GUCY1A2: variants seen among roughly 807,000 people sequenced by gnomAD.
The protein encoded by GUCY1A2 is guanylate cyclase soluble subunit alpha-2.
In GUCY1A2, 27 loss-of-function variants were observed where a neutral mutation model predicts 63.5. The observed-to-expected ratio is 0.43, with a 90% CI of 0.31 to 0.59. GUCY1A2 has a LOEUF of 0.59. GUCY1A2 is among the 20% of genes least tolerant of loss of function. The probability of loss-of-function intolerance (pLI) is 0.11; values close to 1 mark genes in which losing one functional copy is unlikely to be tolerated. For missense variants in GUCY1A2, 768 were observed against 913.3 expected, an observed-to-expected ratio of 0.84 and a Z score of 2.05; for synonymous variants, 364 against 343.5, an observed-to-expected ratio of 1.06 and a Z score of -0.66.
chr11:106,718,420 T>C (rs1863255129), intron 6 of GUCY1A2, among the ~76,000 whole-genome samples: 1 of 152,140 alleles, frequency 6.6e-6, no homozygotes, highest in Non-Finnish European at 1.5e-5. Context: ...ATATAGCTGA[T>C]GGCACTGAAT....
rs747632480 is a variant in GUCY1A2 at position 106,704,973 on chromosome 11, A to AAACTT, written c.1991+3534_1991+3538dup. On this transcript the variant is annotated intron_variant, in intron 7 of 7. Transcript: ENST00000526355. The stretch of plus-strand genomic sequence containing the variant: ...CTATTTAAAATCCATATCCCATAAA[A>AAACTT]AACTTATCCCATCATTGGGATGATG... Among the ~76,000 whole-genome samples, 66 of 151,746 alleles carry AAACTT rather than the reference A, an allele frequency of 4.3e-4. No individual in the cohort carries two copies. The Middle Eastern group carries it at 0.017, about 40-fold the overall frequency.
intron 1 of GUCY1A2, among the ~76,000 whole-genome samples, chr11:107,004,755 G>C (rs1316527197): frequency 2.0e-5 from 3 of 152,332 alleles, no homozygotes; most frequent in South Asian, 2.1e-4. Flanking sequence ...TGTCTGATGA[G>C]GTGACACTGA....
chr11:106,870,370 G>A (rs1053623158), intron 4 of GUCY1A2, among the ~76,000 whole-genome samples: 5 of 151,950 alleles, frequency 3.3e-5, no homozygotes, highest in Admixed American at 6.6e-5. Context: ...TTTTGTGGGA[G>A]TTCTTTGGTA....
chr11:106,827,875 G>C, intron 4 of GUCY1A2: 1 of 1,589,824 alleles, frequency 6.3e-7, no homozygotes, highest in Non-Finnish European at 8.6e-7. Context: ...GTCATGGGAG[G>C]GCGCGCTGCC....
At chr11:106,831,909 A>G (rs1859055924) in intron 4 of GUCY1A2, among the ~76,000 whole-genome samples, 1 of 152,114 alleles carries the variant, frequency 6.6e-6, no homozygotes, top group South Asian at 2.1e-4. Flanking sequence ...CTAGACTCGC[A>G]CCTCCTCCAT....
intron 7 of GUCY1A2, among the ~76,000 whole-genome samples, chr11:106,700,122 C>T (rs1024603768): frequency 6.6e-6 from 1 of 152,200 alleles, no homozygotes; most frequent in South Asian, 2.1e-4. Flanking sequence ...TTGCAAAGTA[C>T]ATAATTATAT....
intron 7 of GUCY1A2, 83 bp downstream of exon 7, chr11:106,708,429 A>T: frequency 9.1e-7 from 1 of 1,101,990 alleles, no homozygotes; most frequent in Non-Finnish European, 1.3e-6. Context: ...AGGATCAAGA[A>T]AAAGAACAGG....
At chr11:106,842,471 C>T (rs924895857) in intron 4 of GUCY1A2, among the ~76,000 whole-genome samples, 2 of 152,004 alleles carry the variant, frequency 1.3e-5, no homozygotes, top group Admixed American at 6.6e-5. Flanking sequence ...AAATAAAACC[C>T]TGCATTCTAT....
At chr11:106,803,666 A>T (rs1266203505) in intron 5 of GUCY1A2, among the ~76,000 whole-genome samples, 1 of 152,224 alleles carries the variant, frequency 6.6e-6, no homozygotes, top group Non-Finnish European at 1.5e-5. Context: ...AATCTCATTT[A>T]AAAGCTCACA....
chr11:106,837,594 T>C (rs1165555818), intron 4 of GUCY1A2, among the ~76,000 whole-genome samples: 2 of 151,720 alleles, frequency 1.3e-5, no homozygotes, highest in Non-Finnish European at 3.0e-5. Flanking sequence ...AACTAACTTT[T>C]AAATTATTTC....
At chr11:106,957,830 A>G (rs1861007159) in intron 3 of GUCY1A2, among the ~76,000 whole-genome samples, 1 of 136,432 alleles carries the variant, frequency 7.3e-6, no homozygotes. Flanking sequence ...GCTATGCTGC[A>G]GTCCAGTCTG....
At chr11:106,787,281 TC>T (rs1864572365) in intron 5 of GUCY1A2, among the ~76,000 whole-genome samples, 1 of 151,596 alleles carries the variant, frequency 6.6e-6, no homozygotes. Flanking sequence ...CCATTAACCA[TC>T]CCCACTTCGC....
At chr11:106,693,510 T>C (rs897813651) in intron 7 of GUCY1A2, among the ~76,000 whole-genome samples, 2 of 152,190 alleles carry the variant, frequency 1.3e-5, no homozygotes, top group African/African-American at 4.8e-5. Flanking sequence ...TTTGAACCTT[T>C]TGACGTAGCA....
At chr11:106,913,986 C>CAAAAAAAAAAAAAA (rs11325847) in intron 4 of GUCY1A2, among the ~76,000 whole-genome samples, 2 of 71,228 alleles carry the variant, frequency 2.8e-5, no homozygotes, top group African/African-American at 4.1e-5. Flanking sequence ...AATGAAAAAG[C>CAAAAAAAAAAAAAA]AAAAAAAAAA....
At chr11:106,772,517 TA>T (rs1274368838) in intron 6 of GUCY1A2, among the ~76,000 whole-genome samples, 1 of 152,188 alleles carries the variant, frequency 6.6e-6, no homozygotes, top group African/African-American at 2.4e-5. Flanking sequence ...GTAAGGAAGC[TA>T]AAATTACTAA....
intron 1 of GUCY1A2, 137 bp from the exon 2 acceptor site, chr11:106,986,268 C>A: frequency 1.9e-6 from 1 of 515,658 alleles, no homozygotes; most frequent in Admixed American, 3.4e-5. Flanking sequence ...ACCCATTTTG[C>A]ATCATGCCAT....
intron 5 of GUCY1A2, among the ~76,000 whole-genome samples, chr11:106,801,551 A>G (rs1260657799): frequency 6.6e-6 from 1 of 152,122 alleles, no homozygotes; most frequent in Non-Finnish European, 1.5e-5. Context: ...CACATGAATG[A>G]TTTAAACCAT....
intron 4 of GUCY1A2, among the ~76,000 whole-genome samples, chr11:106,815,833 A>C (rs1415160370): frequency 6.6e-6 from 1 of 151,838 alleles, no homozygotes; most frequent in African/African-American, 2.4e-5. Context: ...GACGTGAAGA[A>C]AGAGACATAG....
At chr11:106,902,387 G>A (rs757938134) in intron 4 of GUCY1A2, among the ~76,000 whole-genome samples, 2 of 152,078 alleles carry the variant, frequency 1.3e-5, no homozygotes, top group Non-Finnish European at 2.9e-5. Flanking sequence ...AACGAAAATT[G>A]GTTTCAACTT....
Sources: allele counts gnomAD v4.1 joint callset (sites outside exome capture counted in the v4.1 genomes callset), GRCh38; gene constraint gnomAD v4.1.1; transcripts MANE v1.5; gene names NCBI Gene and HGNC (gene_info 2026-07-23, HGNC 2026-07-21).